NUP210L: variants seen among roughly 807,000 people sequenced by gnomAD.
NUP210L encodes the protein nuclear pore membrane glycoprotein 210-like.
NUP210L carries 74 observed loss-of-function variants against 208.5 expected under a neutral mutation model. The observed-to-expected ratio is 0.35, with a 90% confidence interval of 0.29 to 0.43. The LOEUF (loss-of-function observed/expected upper bound fraction) is 0.43. Among genes scored for constraint, NUP210L ranks in the 20% least tolerant of loss-of-function variants. NUP210L has a pLI of 1.00. For missense variants in NUP210L, 1,843 were observed against 2,289.4 expected (o/e 0.81, Z 3.98); for synonymous variants, 780 against 816.9 (o/e 0.95, Z 0.77).
chr1:154,148,725 A>G (rs1392173790), intron 2 of NUP210L, among the ~76,000 whole-genome samples: 2 of 152,190 alleles, frequency 1.3e-5, no homozygotes, highest in Non-Finnish European at 2.9e-5. Context: ...TTAACATTTA[A>G]CTGACAAACA....
chr1:154,117,807 A>G, exon 12 of NUP210L: 1 of 1,612,416 alleles, frequency 6.2e-7, no homozygotes, highest in South Asian at 1.1e-5. Context: ...TGCAGTCACC[A>G]CTCCTTTCGT....
rs1406760558 is a variant in NUP210L, at chr1:154,023,114, T to A, written c.4298+8A>T. On this transcript the variant is annotated splice_region_variant and intron_variant, in intron 31 of 39. Transcript: ENST00000368559. ...ATAGTGTCAATACCATTCCTTTGACTTCCATACCTGTTCAGAGCCAGATAA... is the reference window on the plus strand; with the variant it reads ...ATAGTGTCAATACCATTCCTTTGACATCCATACCTGTTCAGAGCCAGATAA... 2 of 1,612,588 alleles carry A rather than the reference T, an allele frequency of 1.2e-6. No individual in the cohort carries two copies. Among genetic ancestry groups the A allele is most frequent in the South Asian group, 2.2e-5 (2 of 90,848 alleles).
At chr1:154,132,218 A>T (rs2148126969) in intron 7 of NUP210L, among the ~76,000 whole-genome samples, 1 of 152,274 alleles carries the variant, frequency 6.6e-6, no homozygotes, top group South Asian at 2.1e-4. Context: ...TCTTTGGCCA[A>T]ATTCTCTCAC....
chr1:154,150,834 G>T (rs1465672192), intron 2 of NUP210L, among the ~76,000 whole-genome samples: 1 of 151,514 alleles, frequency 6.6e-6, no homozygotes, highest in East Asian at 1.9e-4. Flanking sequence ...ATCTGTCCAA[G>T]GAATTAATGA....
intron 39 of NUP210L, 31 bp downstream of exon 39, chr1:153,992,984 T>C (rs1649559435): frequency 6.2e-7 from 1 of 1,609,908 alleles, no homozygotes; most frequent in Admixed American, 1.7e-5. Context: ...GTATCTGAGC[T>C]TTTCAAAGAT....
At chr1:154,121,562 C>A (rs915101786) in intron 10 of NUP210L, among the ~76,000 whole-genome samples, 1 of 152,146 alleles carries the variant, frequency 6.6e-6, no homozygotes, top group Admixed American at 6.6e-5. Context: ...TCATAAAGTT[C>A]TTCCACCATA....
intron 28 of NUP210L, among the ~76,000 whole-genome samples, chr1:154,028,125 G>A (rs914547974): frequency 6.6e-6 from 1 of 152,012 alleles, no homozygotes; most frequent in South Asian, 2.1e-4. Flanking sequence ...CAAAATCAGA[G>A]GCAGTGAAAC....
chr1:154,081,759 A>T (rs1320070418), intron 16 of NUP210L, among the ~76,000 whole-genome samples: 1 of 152,210 alleles, frequency 6.6e-6, no homozygotes, highest in African/African-American at 2.4e-5. Flanking sequence ...AGACAGGAAG[A>T]CTGCCTGAGC....
At chr1:153,992,842 C>T (rs1204193715) in exon 40 of NUP210L, 2 of 1,609,588 alleles carry the variant, frequency 1.2e-6, no homozygotes, top group East Asian at 2.2e-5. Context: ...AGGTTAGTGC[C>T]TTATACTCCA....
intron 27 of NUP210L, among the ~76,000 whole-genome samples, chr1:154,037,498 T>A (rs1652620587): frequency 6.6e-6 from 1 of 152,190 alleles, no homozygotes; most frequent in Non-Finnish European, 1.5e-5. Flanking sequence ...AATATAACCA[T>A]TCCTGCTCTT....
chr1:154,022,319 T>C, exon 32 of NUP210L: 1 of 1,614,104 alleles, frequency 6.2e-7, no homozygotes, highest in East Asian at 2.2e-5. Flanking sequence ...TCTTATTCCC[T>C]GGTCCAATAT....
intron 33 of NUP210L, among the ~76,000 whole-genome samples, chr1:154,017,688 TG>T (rs1651338634): frequency 1.3e-5 from 2 of 151,792 alleles, no homozygotes; most frequent in Admixed American, 6.6e-5. Flanking sequence ...AGCTAATTTT[TG>T]TATTTTTAGT....
intron 28 of NUP210L, among the ~76,000 whole-genome samples, chr1:154,028,135 C>T (rs904017463): frequency 6.6e-6 from 1 of 152,104 alleles, no homozygotes; most frequent in Non-Finnish European, 1.5e-5. Flanking sequence ...GGCAGTGAAA[C>T]TTACTCGACC....
At chr1:154,067,782 G>A (rs540925680) in intron 17 of NUP210L, among the ~76,000 whole-genome samples, 43 of 152,256 alleles carry the variant, frequency 2.8e-4, no homozygotes, top group African/African-American at 1.0e-3. Context: ...AAAATCACAA[G>A]CATTCTTGTA....
chr1:153,993,076 G>A, exon 39 of NUP210L: 1 of 1,613,360 alleles, frequency 6.2e-7, no homozygotes, highest in Non-Finnish European at 8.5e-7. Flanking sequence ...TCTTGTTTAG[G>A]AAGGCATTGT....
rs555468394 is a variant in NUP210L at position 154,098,788 on chromosome 1, A to G, written c.1965+1210T>C. Among the ~76,000 whole-genome samples the G allele has an allele frequency of 6.6e-5, 10 of 152,246 alleles. No individual in the cohort carries two copies. In the East Asian group the frequency reaches 1.9e-3, roughly 29 times the overall value. ...GCCTGGACCCCAGGCTTCAGGCCCT[A>G]CCTGGCCTGAAGGTAGGGCCTCACC... On this transcript the variant is annotated intron_variant, in intron 14 of 39. Coordinates refer to ENST00000368559, the Ensembl canonical transcript of NUP210L.
intron 25 of NUP210L, among the ~76,000 whole-genome samples, chr1:154,048,333 G>A (rs1288300127): frequency 6.6e-6 from 1 of 152,136 alleles, no homozygotes; most frequent in African/African-American, 2.4e-5. Context: ...AGAAGAGAGG[G>A]TGATATAGAG....
At position 154,068,183 on chromosome 1, in the gene NUP210L, A is replaced by G. The variant is rs150277634; in HGVS notation, c.2554+2090T>C. ...GCATCACACTACCTGACTTCCAACT[A>G]TATTACAAGGCTACAGTAACCAAAA... On this transcript the variant is annotated intron_variant, in intron 17 of 39. Coordinates refer to ENST00000368559, the Ensembl canonical transcript of NUP210L. Among the ~76,000 whole-genome samples, 7 of 152,312 alleles carry G rather than the reference A, an allele frequency of 4.6e-5. 1 individual carries two copies. In the East Asian group the frequency reaches 1.3e-3, roughly 29 times the overall value.
intron 12 of NUP210L, among the ~76,000 whole-genome samples, chr1:154,106,951 C>A (rs1656792901): frequency 6.6e-6 from 1 of 152,284 alleles, no homozygotes; most frequent in African/African-American, 2.4e-5. Context: ...TAATACCTAA[C>A]TTTTCAATGC....
Sources: gnomAD v4.1 joint callset for allele counts (sites outside exome capture counted in the v4.1 genomes callset) on GRCh38, gnomAD v4.1.1 for gene constraint, MANE v1.5 for transcripts, NCBI Gene and HGNC (gene_info 2026-07-23, HGNC 2026-07-21) for gene names.